The following GALNT17 variants were observed in gnomAD, a reference collection of about 807,000 sequenced individuals.
GALNT17 encodes polypeptide N-acetylgalactosaminyltransferase 17.
GALNT17 carries 29 observed loss-of-function variants against 63.7 expected under a neutral mutation model. The observed-to-expected ratio is 0.46, with a 90% CI of 0.34 to 0.62. GALNT17 has a LOEUF of 0.62. Ranked by LOEUF, GALNT17 falls within the 20% of genes least tolerant of loss-of-function variation. The pLI is 0.01. For synonymous variants in GALNT17, 305 were observed against 318.3 expected (o/e 0.96, Z 0.45); for missense variants, 603 against 799.6 (o/e 0.75, Z 2.97).
intron 1 of GALNT17, among the ~76,000 whole-genome samples, chr7:71,296,202 ATCTATC>A (rs1791076533): frequency 6.6e-6 from 1 of 152,146 alleles, no homozygotes; most frequent in African/African-American, 2.4e-5. Flanking sequence ...TCTTGATCCT[ATCTATC>A]TCTATTTATC....
At chr7:71,553,134 G>C (rs62459936) in intron 5 of GALNT17, among the ~76,000 whole-genome samples, 5,223 of 152,094 alleles carry the variant, frequency 0.034, 97 homozygotes, top group Middle Eastern at 0.082. Flanking sequence ...AGACCACCCT[G>C]GGCAACATAG....
In GALNT17 at chr7:71,664,035, G is replaced by GT. The variant is rs35903054; in HGVS notation, c.1081-1362dup. ...AATTAATTTTTTTTTTTACAATAAG[G>GT]TTTTTTTTTTTTTTCCCACCTGGAC... On this transcript the variant is annotated intron_variant, in intron 6 of 10. Transcript: ENST00000333538. Among the ~76,000 whole-genome samples, 1,384 of 142,328 alleles carry GT rather than the reference G, an allele frequency of 9.7e-3. 13 individuals are homozygous for GT. Among genetic ancestry groups the GT allele is most frequent in the African/African-American group, 0.024 (929 of 39,096 alleles). The allele number at this position is 142,328 out of a possible 152,430, so 93.4% of individuals were successfully genotyped here.
intron 3 of GALNT17, among the ~76,000 whole-genome samples, chr7:71,398,166 C>T (rs1312077526): frequency 6.6e-6 from 1 of 152,090 alleles, no homozygotes; most frequent in Non-Finnish European, 1.5e-5. Flanking sequence ...TATTGTCTAT[C>T]CATTTTTGGA....
intron 1 of GALNT17, among the ~76,000 whole-genome samples, chr7:71,277,890 C>T (rs1486345844): frequency 1.3e-5 from 2 of 152,156 alleles, no homozygotes; most frequent in Non-Finnish European, 2.9e-5. Flanking sequence ...TCACTTACAC[C>T]AAGGGGAAGA....
chr7:71,667,174 T>C (rs1364589439), intron 7 of GALNT17, among the ~76,000 whole-genome samples: 1 of 152,212 alleles, frequency 6.6e-6, no homozygotes, highest in African/African-American at 2.4e-5. Context: ...TGGCAGCCCC[T>C]ATGTATCAGG....
intron 1 of GALNT17, among the ~76,000 whole-genome samples, chr7:71,173,536 G>C (rs1279297129): frequency 6.6e-6 from 1 of 152,178 alleles, no homozygotes; most frequent in African/African-American, 2.4e-5. Context: ...ACTTTGGGAG[G>C]CTGAGGCAGG....
At chr7:71,234,264 G>GTTTA (rs1372074732) in intron 1 of GALNT17, among the ~76,000 whole-genome samples, 3 of 152,032 alleles carry the variant, frequency 2.0e-5, no homozygotes, top group Non-Finnish European at 4.4e-5. Flanking sequence ...AATTTTATAA[G>GTTTA]TTTATTTATT....
intron 6 of GALNT17, among the ~76,000 whole-genome samples, chr7:71,622,933 A>ATTT (rs1790317770): frequency 1.3e-5 from 2 of 152,020 alleles, no homozygotes; most frequent in Non-Finnish European, 2.9e-5. Flanking sequence ...TTCCTCACTG[A>ATTT]CCCTGCCTTT....
intron 6 of GALNT17, among the ~76,000 whole-genome samples, chr7:71,648,688 C>T (rs1790715136): frequency 6.6e-6 from 1 of 152,182 alleles, no homozygotes; most frequent in Non-Finnish European, 1.5e-5. Flanking sequence ...CCTCCTGCCT[C>T]AGCCTCCCAA....
chr7:71,613,280 A>C (rs1790151403), intron 6 of GALNT17, among the ~76,000 whole-genome samples: 1 of 152,272 alleles, frequency 6.6e-6, no homozygotes, highest in Middle Eastern at 3.4e-3. Flanking sequence ...AAGGTAGATG[A>C]TTTACTTTGA....
chr7:71,679,356 C>T lies in GALNT17; in HGVS notation c.1500+2050C>T, dbSNP rs760150752. Among the ~76,000 whole-genome samples, 9 of 152,100 alleles carry T rather than the reference C, an allele frequency of 5.9e-5. 1 individual carries two copies. The highest frequency in any genetic ancestry group is 5.2e-4 in the Admixed American group (8 of 15,264). ...AAGGCTGCAGTGAGCCATGATCATG[C>T]CACTGCACTCCTGGGTGACAGAGTG... is the stretch of plus-strand genomic sequence containing the variant. On this transcript the variant is annotated intron_variant, in intron 9 of 10. Transcript: ENST00000333538.
chr7:71,141,840 CTGTGTGTGTGTGTG>C (rs34121771), intron 1 of GALNT17, among the ~76,000 whole-genome samples: 10 of 125,114 alleles, frequency 8.0e-5, no homozygotes, highest in East Asian at 2.4e-4. Flanking sequence ...CCACGTCTGG[CTGTGTGTGTGTGTG>C]TGTGTGTGTG....
chr7:71,470,996 C>T (rs963817687), intron 5 of GALNT17, among the ~76,000 whole-genome samples: 16 of 152,190 alleles, frequency 1.1e-4, no homozygotes, highest in African/African-American at 2.4e-4. Context: ...CCAAATGTGA[C>T]GGCAGCCCTG....
intron 2 of GALNT17, among the ~76,000 whole-genome samples, chr7:71,370,903 G>C (rs956332134): frequency 1.3e-5 from 2 of 150,786 alleles, no homozygotes; most frequent in Non-Finnish European, 2.9e-5. Flanking sequence ...ACTGTGCCTC[G>C]TCTGACTTTA....
At chr7:71,208,252 G>A (rs1789310882) in intron 1 of GALNT17, among the ~76,000 whole-genome samples, 1 of 151,940 alleles carries the variant, frequency 6.6e-6, no homozygotes, top group Non-Finnish European at 1.5e-5. Context: ...CTATAATTTG[G>A]AATTAAATGT....
intron 1 of GALNT17, among the ~76,000 whole-genome samples, chr7:71,240,400 T>C (rs1789972099): frequency 6.6e-6 from 1 of 152,192 alleles, no homozygotes; most frequent in South Asian, 2.1e-4. Context: ...ATCCAGTAGG[T>C]AGTTTTTCAA....
intron 10 of GALNT17, 101 bp from the exon 11 acceptor site, chr7:71,711,917 C>A (rs1352857577): frequency 1.5e-6 from 2 of 1,318,902 alleles, no homozygotes; most frequent in Non-Finnish European, 1.1e-6. Context: ...TTCTCTTTGT[C>A]ATTTTCTCTC....
At chr7:71,596,422 A>G (rs942340781) in intron 6 of GALNT17, among the ~76,000 whole-genome samples, 1 of 152,072 alleles carries the variant, frequency 6.6e-6, no homozygotes, top group Non-Finnish European at 1.5e-5. Context: ...GGTTGAATAA[A>G]CAAGAGAGTT....
At chr7:71,495,653 A>G (rs779721509) in intron 5 of GALNT17, among the ~76,000 whole-genome samples, 81 of 152,098 alleles carry the variant, frequency 5.3e-4, no homozygotes, top group Non-Finnish European at 9.6e-4. Context: ...CCGGCCTGGA[A>G]TGGGAGCACT....
Sources: allele counts gnomAD v4.1 joint callset (sites outside exome capture counted in the v4.1 genomes callset), GRCh38; gene constraint gnomAD v4.1.1; transcripts MANE v1.5; gene names NCBI Gene and HGNC (gene_info 2026-07-23, HGNC 2026-07-21).